The following FRMD3 variants were observed in gnomAD, a reference collection of about 807,000 sequenced individuals.
FRMD3 encodes FERM domain containing 3, also known as FERM domain-containing protein 3.
A neutral mutation model predicts 70.2 loss-of-function variants in FRMD3; 33 were observed. The ratio of observed to expected loss-of-function variants is 0.47; its 90% CI spans 0.36 to 0.63. The LOEUF (loss-of-function observed/expected upper bound fraction) is 0.63, where lower values mean the gene tolerates loss of function less well. FRMD3 is among the 20% of genes least tolerant of loss of function. FRMD3 has a pLI of 0.00. For missense variants in FRMD3, 632 were observed against 711.4 expected (o/e 0.89, Z 1.27); for synonymous variants, 279 against 255.9 (o/e 1.09, Z -0.86).
intron 1 of FRMD3, among the ~76,000 whole-genome samples, chr9:83,435,163 T>C (rs866438099): frequency 6.6e-6 from 1 of 152,118 alleles, no homozygotes; most frequent in Non-Finnish European, 1.5e-5. Context: ...GCTCAGTGTT[T>C]CTCCAGCTCT....
downstream of FRMD3, among the ~76,000 whole-genome samples, chr9:83,243,609 T>C (rs1831951433): frequency 6.6e-6 from 1 of 152,196 alleles, no homozygotes. Context: ...CTTGAGATGC[T>C]GGAGTCAGAA....
chr9:83,339,362 G>T (rs781187216), intron 5 of FRMD3, among the ~76,000 whole-genome samples: 5 of 152,076 alleles, frequency 3.3e-5, no homozygotes, highest in Non-Finnish European at 7.4e-5. Context: ...AGCCGCCATG[G>T]TTCTCCCTCC....
intron 1 of FRMD3, among the ~76,000 whole-genome samples, chr9:83,442,027 G>A (rs868305096): frequency 7.9e-5 from 12 of 152,230 alleles, no homozygotes; most frequent in Middle Eastern, 3.4e-3. Context: ...ACTAAAGCCC[G>A]ACACATCTTT....
intron 1 of FRMD3, among the ~76,000 whole-genome samples, chr9:83,423,471 G>A (rs1160095818): frequency 6.6e-6 from 1 of 151,086 alleles, no homozygotes; most frequent in Admixed American, 6.6e-5. Context: ...AAGCCTATAA[G>A]CAAAGCCTCC....
intron 1 of FRMD3, among the ~76,000 whole-genome samples, chr9:83,409,475 A>C (rs574845064): frequency 1.2e-4 from 19 of 152,358 alleles, no homozygotes; most frequent in African/African-American, 4.6e-4. Context: ...AGCACAGGGA[A>C]ACCTTGACTA....
chr9:83,444,957 T>C (rs1827411742), intron 1 of FRMD3, among the ~76,000 whole-genome samples: 1 of 152,248 alleles, frequency 6.6e-6, no homozygotes, highest in Non-Finnish European at 1.5e-5. Context: ...TGGTTGGCTC[T>C]TTCCCGTAGT....
intron 3 of FRMD3, among the ~76,000 whole-genome samples, chr9:83,358,770 G>T (rs1397692661): frequency 6.6e-6 from 1 of 151,708 alleles, no homozygotes; most frequent in African/African-American, 2.4e-5. Flanking sequence ...GGTCACTGTT[G>T]CCTATATTCC....
At chr9:83,461,942 C>A (rs1201941708) in intron 1 of FRMD3, among the ~76,000 whole-genome samples, 1 of 152,100 alleles carries the variant, frequency 6.6e-6, no homozygotes, top group Non-Finnish European at 1.5e-5. Context: ...CCACCTCAGA[C>A]TCCCAAAGTG....
At chr9:83,495,769 A>G (rs1828930026) in intron 1 of FRMD3, among the ~76,000 whole-genome samples, 1 of 152,232 alleles carries the variant, frequency 6.6e-6, no homozygotes, top group Admixed American at 6.5e-5. Flanking sequence ...TGGCTATTTG[A>G]AACAGTATTT....
At chr9:83,421,348 A>G (rs989123239) in intron 1 of FRMD3, among the ~76,000 whole-genome samples, 4 of 152,174 alleles carry the variant, frequency 2.6e-5, no homozygotes, top group African/African-American at 4.8e-5. Flanking sequence ...CCTGCACTCT[A>G]TTCACATTTT....
chr9:83,311,190 C>T (rs1052206002), intron 8 of FRMD3, among the ~76,000 whole-genome samples: 1 of 151,872 alleles, frequency 6.6e-6, no homozygotes, highest in Non-Finnish European at 1.5e-5. Context: ...CTCCAGGCTC[C>T]GGGCATTGCC....
At chr9:83,267,979 A>G (rs1833353018) in intron 13 of FRMD3, among the ~76,000 whole-genome samples, 1 of 152,276 alleles carries the variant, frequency 6.6e-6, no homozygotes, top group Admixed American at 6.5e-5. Flanking sequence ...AGATAAGGAA[A>G]CGACAACTTA....
At chr9:83,383,404 A>G (rs769460384) in intron 2 of FRMD3, among the ~76,000 whole-genome samples, 2 of 152,248 alleles carry the variant, frequency 1.3e-5, no homozygotes, top group African/African-American at 2.4e-5. Flanking sequence ...GTAACAGACA[A>G]CTACTACTGA....
At chr9:83,540,271 GCTTTT>G (rs1337481776), upstream of FRMD3, among the ~76,000 whole-genome samples, 2 of 152,160 alleles carry the variant, frequency 1.3e-5, no homozygotes, top group African/African-American at 2.4e-5. Context: ...AACAGTCCAT[GCTTTT>G]CTTTTAAGAC....
At position 83,290,746 on chromosome 9, in the gene FRMD3, C is replaced by T. The variant is rs1350801796; in HGVS notation, c.1071-19G>A. 2 of 1,590,896 alleles carry T rather than the reference C, an allele frequency of 1.3e-6. No homozygotes were observed. Among genetic ancestry groups the T allele is most frequent in the Admixed American group, 3.5e-5 (2 of 57,278 alleles). On this transcript the variant is annotated intron_variant, in intron 12 of 13. Coordinates refer to ENST00000304195, the MANE Select transcript of FRMD3 (RefSeq NM_174938.6). ...GTTGGCTCTGAAAACAGACACAAGCCAGACAGAGTTGGTTTCCATCACAAA... is the reference window on the plus strand; with the variant it reads ...GTTGGCTCTGAAAACAGACACAAGCTAGACAGAGTTGGTTTCCATCACAAA...
intron 2 of FRMD3, among the ~76,000 whole-genome samples, chr9:83,376,932 C>T (rs1213790502): frequency 1.4e-5 from 2 of 147,706 alleles, no homozygotes; most frequent in Admixed American, 6.9e-5. Context: ...GGGTGCCCAA[C>T]CGGCACCCGT....
At position 83,538,151 on chromosome 9, in the gene FRMD3, C is replaced by T. The variant is rs1587542548; in HGVS notation, c.81G>A (p.Ser27=). 6.2e-7 allele frequency: 1 copy of T among 1,613,310 alleles called. No homozygotes were observed. The highest frequency in any genetic ancestry group is 8.5e-7 in the Non-Finnish European group (1 of 1,179,666). The part of the protein sequence containing the change: ...MIHFRSSSVK[S]LSQEMRCTIR... Reference sequence around the variant, plus strand: ...TGGTGCATCTCATCTCCTGGCTGAGCGATTTGACGCTGGAGCTCCGAAAGT... The same window carrying T: ...TGGTGCATCTCATCTCCTGGCTGAGTGATTTGACGCTGGAGCTCCGAAAGT... The change falls in exon 1 of 14, where the codon TCG becomes TCA. Residue 27 remains serine (S), a synonymous_variant. Transcript: ENST00000304195. The surrounding 1 kb of genome is among the most constrained non-coding windows in gnomAD (Gnocchi z 4.7).
At chr9:83,349,069 T>A (rs920025288) in intron 4 of FRMD3, among the ~76,000 whole-genome samples, 1 of 152,096 alleles carries the variant, frequency 6.6e-6, no homozygotes, top group South Asian at 2.1e-4. Flanking sequence ...CTCTCTCCCA[T>A]CCTCCTAGAA....
intron 1 of FRMD3, among the ~76,000 whole-genome samples, chr9:83,464,199 T>C (rs1391282332): frequency 6.6e-6 from 1 of 152,214 alleles, no homozygotes; most frequent in Non-Finnish European, 1.5e-5. Flanking sequence ...CCTCATGAAT[T>C]ATTTAACAGC....
Sources: gnomAD v4.1 joint callset for allele counts (sites outside exome capture counted in the v4.1 genomes callset) on GRCh38, gnomAD v4.1.1 for gene constraint, Gnocchi (gnomAD v3.1) non-coding constraint, MANE v1.5 for transcripts, NCBI Gene and HGNC (gene_info 2026-07-23, HGNC 2026-07-21) for gene names.